Variants in SETD1B observed in about 807,000 individuals in gnomAD.
SETD1B encodes the protein histone-lysine N-methyltransferase SETD1B.
In SETD1B, 7 loss-of-function variants were observed where a neutral mutation model predicts 148.0. The observed-to-expected ratio is 0.05, with a 90% CI of 0.03 to 0.09. SETD1B has a LOEUF of 0.09. SETD1B is among the 10% of genes least tolerant of loss of function. SETD1B has a pLI of 1.00. For missense variants in SETD1B, 2,155 were observed against 2,729.9 expected (o/e 0.79, Z 4.69); for synonymous variants, 1,361 against 1,186.5 (o/e 1.15, Z -3.02).
At chr12:121,790,781 C>A in the SETD1B span, among the ~76,000 whole-genome samples, 1 of 152,224 alleles carries the variant, frequency 6.6e-6, no homozygotes, top group African/African-American at 2.4e-5. Flanking sequence ...GCAGCAGGGT[C>A]TGGGGGTCAG....
Position 121,827,969 on chromosome 12 carries a change from G to A in SETD1B, c.5626G>A (p.Glu1876Lys), listed in dbSNP as rs376735409. Reference protein sequence around the residue: ...ADMREKRYEDEGIGSSYMFRV... With the variant: ...ADMREKRYEDKGIGSSYMFRV... Reference sequence around the variant, plus strand: ...CATGCGGGAGAAGCGTTATGAGGACGAGGGCATCGGGAGCAGCTACATGTT... The same window carrying A: ...CATGCGGGAGAAGCGTTATGAGGACAAGGGCATCGGGAGCAGCTACATGTT... The change falls in exon 16 of 17, where the codon GAG becomes AAG. Residue 1876 changes from glutamate (E) to lysine (K), a missense_variant. Glu to Lys is a moderately conservative substitution (Grantham distance 56). Coordinates refer to ENST00000604567, the MANE Select transcript of SETD1B (RefSeq NM_001353345.2). The A allele has an allele frequency of 3.5e-5, 54 of 1,552,036 alleles. No homozygotes were observed. In the African/African-American group the frequency reaches 5.1e-4, roughly 15 times the overall value.
rs1028903782 is a variant in SETD1B, at chr12:121,819,384, C to T, written c.3419-20C>T. 59 of 1,551,280 alleles carry T rather than the reference C, an allele frequency of 3.8e-5. No individual in the cohort carries two copies. Among genetic ancestry groups the T allele is most frequent in the South Asian group, 4.8e-5 (4 of 83,950 alleles). ...CACAGCGGGTCCTCAGGCAGCCCCT[C>T]GTCTGTGTCCCCCATCCAGAGGAGA... On this transcript the variant is annotated intron_variant, in intron 10 of 16. Coordinates refer to ENST00000604567, the MANE Select transcript of SETD1B (RefSeq NM_001353345.2).
the SETD1B span, chr12:121,793,116 G>C: frequency 6.5e-7 from 1 of 1,528,738 alleles, no homozygotes. Flanking sequence ...TCGGGCGGGC[G>C]GACCCTCGGG....
rs1019495201 is a variant in SETD1B at position 121,805,299 on chromosome 12, C to G, written c.273+83C>G. 32 of 1,214,224 alleles carry G rather than the reference C, an allele frequency of 2.6e-5. No individual in the cohort carries two copies. In the East Asian group the frequency reaches 3.1e-4, roughly 12 times the overall value. The allele number at this position is 1,214,224 out of a possible 1,614,324, so 75.2% of individuals were successfully genotyped here. A position where few individuals can be genotyped will look rare whatever the true frequency, so the allele number is the denominator to read the frequency against. On this transcript the variant is annotated intron_variant, in intron 3 of 16. Transcript: ENST00000604567. This position sits in a 1 kb window ranked among gnomAD's most constrained non-coding sequence, Gnocchi z 4.2. ...AACGCCAGTCCTGACCGAGCCCAGC[C>G]GGATTCCCAGTTCCCGCCGTCCGGG...
chr12:121,826,267 G>GT (rs56348409), intron 13 of SETD1B, among the ~76,000 whole-genome samples: 62,809 of 151,890 alleles, frequency 0.41, 15,585 homozygotes, highest in Middle Eastern at 0.59. Flanking sequence ...AAAGAAGCAC[G>GT]TAATTCCAGG....
rs1460361178 is a variant in SETD1B, at chr12:121,804,027, C to G, written c.-221C>G. 1 of 152,664 alleles carries G rather than the reference C, an allele frequency of 6.6e-6. No homozygotes were observed. The highest frequency in any genetic ancestry group is 1.5e-5 in the Non-Finnish European group (1 of 68,156). The allele number at this position is 152,664 out of a possible 1,614,324, so 9.5% of individuals were successfully genotyped here. ...TAGCGGTGTATTGTGGGATGTGCGG[C>G]TACTGGGAGCCGAGCCTCCGCCGCC... On this transcript the variant is annotated 5_prime_UTR_variant, in exon 1 of 17. Coordinates refer to ENST00000604567, the MANE Select transcript of SETD1B (RefSeq NM_001353345.2). This position sits in a 1 kb window ranked among gnomAD's most constrained non-coding sequence, Gnocchi z 4.6.
chr12:121,806,693 C>G (rs1025673954), intron 4 of SETD1B, among the ~76,000 whole-genome samples: 1 of 152,176 alleles, frequency 6.6e-6, no homozygotes, highest in Admixed American at 6.5e-5. Flanking sequence ...AAGAGCCAGG[C>G]AGGCGGCTCT....
rs370331120 is a variant in SETD1B at position 121,808,418 on chromosome 12, AC to A, written c.657+103del. On this transcript the variant is annotated intron_variant, in intron 5 of 16. Coordinates refer to ENST00000604567, the MANE Select transcript of SETD1B (RefSeq NM_001353345.2). This position sits in a 1 kb window ranked among gnomAD's most constrained non-coding sequence, Gnocchi z 5.3. ...AACTCTCTTATGGGACCCCCAGCCT[AC>A]CCCCACCTCACTCCAGCTTTGGAGA... is the stretch of plus-strand genomic sequence containing the variant. 4.2e-4 allele frequency: 301 copies of A among 716,080 alleles called. 1 individual carries two copies. The African/African-American group carries it at 4.5e-3, about 11-fold the overall frequency. The allele number at this position is 716,080 out of a possible 1,614,324, so 44.4% of individuals were successfully genotyped here. A position where few individuals can be genotyped will look rare whatever the true frequency, so the allele number is the denominator to read the frequency against.
rs1166898462 is a variant in SETD1B at position 121,810,414 on chromosome 12, C to T, written c.1469C>T (p.Ala490Val). The T allele has an allele frequency of 1.3e-6, 2 of 1,549,140 alleles. No individual in the cohort carries two copies. Among genetic ancestry groups the T allele is most frequent in the Non-Finnish European group, 8.7e-7 (1 of 1,146,954 alleles). Residue 490 changes from alanine to valine, a missense_variant, in exon 6 of 17, where the codon GCA becomes GTA. By Grantham distance (64) the Ala-to-Val change is moderately conservative. Around this residue, in one of 11 missense-constraint regions of SETD1B, gnomAD observed 376 missense variants for 385.0 expected, o/e 0.98. Transcript: ENST00000604567. This position sits in a 1 kb window ranked among gnomAD's most constrained non-coding sequence, Gnocchi z 7.6. The part of the protein sequence containing the change: ...PGTPTLESSP[A>V]GPEKPHDSLD... ...ACGCCCACGCTGGAGTCGTCCCCTG[C>T]AGGGCCAGAGAAACCCCACGACAGC...
In SETD1B at chr12:121,805,681, C is replaced by G. The variant is rs1875704606; in HGVS notation, c.274-154C>G. Reference sequence around the variant, plus strand: ...CCCGCCCGCGTGCATTTTTTTTTTCCAAAAAAAATTTTTTTTTTTTTTTTA... The same window carrying G: ...CCCGCCCGCGTGCATTTTTTTTTTCGAAAAAAAATTTTTTTTTTTTTTTTA... On this transcript the variant is annotated intron_variant, in intron 3 of 16. Coordinates refer to ENST00000604567, the MANE Select transcript of SETD1B (RefSeq NM_001353345.2). The surrounding 1 kb of genome is among the most constrained non-coding windows in gnomAD (Gnocchi z 4.2). Among the ~76,000 whole-genome samples the G allele has an allele frequency of 1.4e-5, 1 of 71,960 alleles. No individual in the cohort carries two copies. Among genetic ancestry groups the G allele is most frequent in the African/African-American group, 4.3e-5 (1 of 23,134 alleles). 47.2% of individuals were successfully genotyped at this position (71,960 alleles called of 152,430 possible).
At chr12:121,800,266 C>T (rs1480672657), upstream of SETD1B, 1 of 152,250 alleles carries the variant, frequency 6.6e-6, no homozygotes, top group Non-Finnish European at 1.5e-5. Context: ...CCAGGCTTCC[C>T]CCACCTCCTG....
At position 121,822,704 on chromosome 12, in the gene SETD1B, C is replaced by T. The variant is rs1266368620; in HGVS notation, c.4125C>T (p.Ser1375=). 1.3e-6 allele frequency: 2 copies of T among 1,532,286 alleles called. No individual in the cohort carries two copies. Among genetic ancestry groups the T allele is most frequent in the East Asian group, 2.5e-5 (1 of 40,474 alleles). 94.9% of individuals were successfully genotyped at this position (1,532,286 alleles called of 1,614,324 possible). A position where few individuals can be genotyped will look rare whatever the true frequency, so the allele number is the denominator to read the frequency against. ...GLCGSLAKSQ[S]TETVPATPGG... Reference sequence around the variant, plus strand: ...GTGGCAGCCTGGCCAAGTCGCAGAGCACAGAGACGGTGCCAGCCACACCAG... The same window carrying T: ...GTGGCAGCCTGGCCAAGTCGCAGAGTACAGAGACGGTGCCAGCCACACCAG... Residue 1375 remains serine (S), a synonymous_variant, in exon 12 of 17, where the codon AGC becomes AGT. Coordinates refer to ENST00000604567, the MANE Select transcript of SETD1B (RefSeq NM_001353345.2).
chr12:121,822,986 G>T lies in SETD1B; in HGVS notation c.4407G>T (p.Glu1469Asp). 1 of 1,534,544 alleles carries T rather than the reference G, an allele frequency of 6.5e-7. No individual in the cohort carries two copies. ...CCCTGGCCTCCCCGGTGCTCCTGGA[G>T]ACGGGCCTGCCCCTCCCTCTGCCCC... ...SGPLASPVLL[E>D]TGLPLPLPLP... Residue 1469 changes from glutamate (E) to aspartate (D), a missense_variant, in exon 12 of 17, where the codon GAG (glutamate) becomes GAT (aspartate). By Grantham distance (45) the Glu-to-Asp change is conservative. Coordinates refer to ENST00000604567, the MANE Select transcript of SETD1B (RefSeq NM_001353345.2).
chr12:121,796,895 G>A, the SETD1B span, among the ~76,000 whole-genome samples: 55 of 152,178 alleles, frequency 3.6e-4, no homozygotes, highest in Non-Finnish European at 4.4e-4. Context: ...AAAATTATCC[G>A]GGCGTGGTGG....
chr12:121,805,001 G>C lies in SETD1B; in HGVS notation c.174+90G>C. 4 of 1,461,546 alleles carry C rather than the reference G, an allele frequency of 2.7e-6. No homozygotes were observed. Among genetic ancestry groups the C allele is most frequent in the Non-Finnish European group, 3.7e-6 (4 of 1,088,454 alleles). 90.5% of individuals were successfully genotyped at this position (1,461,546 alleles called of 1,614,324 possible). A position where few individuals can be genotyped will look rare whatever the true frequency, so the allele number is the denominator to read the frequency against. The stretch of plus-strand genomic sequence containing the variant: ...CCAGGGACCCCCCGCCCGATCCCCC[G>C]GCCAACTGTCAGACGGGGCCCCAGC... On this transcript the variant is annotated intron_variant, in intron 2 of 16. Transcript: ENST00000604567. This position sits in a 1 kb window ranked among gnomAD's most constrained non-coding sequence, Gnocchi z 4.2.
the SETD1B span, among the ~76,000 whole-genome samples, chr12:121,798,702 G>A: frequency 7.2e-5 from 11 of 152,162 alleles, no homozygotes; most frequent in Non-Finnish European, 1.5e-4. Flanking sequence ...CCCTCACAGC[G>A]GGAGTGGGGC....
chr12:121,823,044 G>T lies in SETD1B; in HGVS notation c.4465G>T (p.Val1489Phe). The stretch of plus-strand genomic sequence containing the variant: ...GCCCTTGCCCTTGGCATTGCCCGCC[G>T]TCTTGCGGGCCCAGGCTCGTGCGCC... ...PLPLPLALPA[V>F]LRAQARAPTP... The change falls in exon 12 of 17, where the codon GTC (valine) becomes TTC (phenylalanine). Residue 1489 changes from valine to phenylalanine, a missense_variant. By Grantham distance (50) the Val-to-Phe change is conservative (BLOSUM62 -1). This residue lies in a region of SETD1B where 862 missense variants were observed against 873.8 expected (regional missense o/e 0.99). Transcript: ENST00000604567. 6.6e-7 allele frequency: 1 copy of T among 1,503,996 alleles called. No homozygotes were observed. 93.2% of individuals were successfully genotyped at this position (1,503,996 alleles called of 1,614,324 possible). A position where few individuals can be genotyped will look rare whatever the true frequency, so the allele number is the denominator to read the frequency against.
Position 121,827,727 on chromosome 12 carries a change from T to C in SETD1B, c.5470-8T>C. On this transcript the variant is annotated splice_polypyrimidine_tract_variant and splice_region_variant and intron_variant, in intron 14 of 16. Transcript: ENST00000604567. ...GGGGCTCACCTCTCCCCCTCTTCCCTCCCACAGTTCCGGAAGAAAAAGCTC... is the reference window on the plus strand; with the variant it reads ...GGGGCTCACCTCTCCCCCTCTTCCCCCCCACAGTTCCGGAAGAAAAAGCTC... 6.4e-7 allele frequency: 1 copy of C among 1,551,724 alleles called. No homozygotes were observed. Among genetic ancestry groups the C allele is most frequent in the East Asian group, 2.4e-5 (1 of 40,910 alleles).
chr12:121,817,371 G>T lies in SETD1B; in HGVS notation c.2979G>T (p.Glu993Asp). 1 of 1,526,598 alleles carries T rather than the reference G, an allele frequency of 6.6e-7. No individual in the cohort carries two copies. The highest frequency in any genetic ancestry group is 1.4e-5 in the African/African-American group (1 of 72,758). 94.6% of individuals were successfully genotyped at this position (1,526,598 alleles called of 1,614,324 possible). A position where few individuals can be genotyped will look rare whatever the true frequency, so the allele number is the denominator to read the frequency against. ...PSTSVDEEDE[E>D]SERERDRDMA... Reference sequence around the variant, plus strand: ...CTCTGACTCCCTCCCTTCCTGCAGAGTCCGAGCGAGAGCGAGACCGGGATA... The same window carrying T: ...CTCTGACTCCCTCCCTTCCTGCAGATTCCGAGCGAGAGCGAGACCGGGATA... The change falls in exon 9 of 17, where the codon GAG (glutamate) becomes GAT (aspartate). Residue 993 changes from glutamate (E) to aspartate (D), a missense_variant and splice_region_variant. Coordinates refer to ENST00000604567, the MANE Select transcript of SETD1B (RefSeq NM_001353345.2). The surrounding 1 kb of genome is among the most constrained non-coding windows in gnomAD (Gnocchi z 8.1).
Sources: gnomAD v4.1 joint callset for allele counts (sites outside exome capture counted in the v4.1 genomes callset) on GRCh38, gnomAD v4.1.1 for gene constraint, gnomAD v4.1.1 regional missense constraint, Gnocchi (gnomAD v3.1) non-coding constraint, MANE v1.5 for transcripts, NCBI Gene and HGNC (gene_info 2026-07-23, HGNC 2026-07-21) for gene names.